The following DCST2 variants were observed in gnomAD, a reference collection of about 807,000 sequenced individuals.
DCST2 encodes the protein DC-STAMP domain containing 2.
Under a neutral mutation model 81.8 loss-of-function variants are expected in DCST2, and 64 were observed. The observed-to-expected ratio is 0.78, with a 90% CI of 0.64 to 0.96. The LOEUF is 0.96. Ranked by LOEUF, DCST2 falls within the 40% of genes least tolerant of loss-of-function variation. DCST2 has a pLI of 0.00. For synonymous variants in DCST2, 354 were observed against 402.6 expected, an observed-to-expected ratio of 0.88 and a Z score of 1.44; for missense variants, 945 against 1,001.4, an observed-to-expected ratio of 0.94 and a Z score of 0.76.
Position 155,033,727 on chromosome 1 carries a change from G to C in DCST2, c.-26C>G, listed in dbSNP as rs2102348186. 3 of 1,601,930 alleles carry C rather than the reference G, an allele frequency of 1.9e-6. No individual in the cohort carries two copies. The South Asian group carries it at 3.3e-5, about 18-fold the overall frequency. ...GGCTGCTGAGACCAAATGTCTGCCTGTCTCCAGGAGATGCCCGCTGACTTC... is the reference window on the plus strand; with the variant it reads ...GGCTGCTGAGACCAAATGTCTGCCTCTCTCCAGGAGATGCCCGCTGACTTC... On this transcript the variant is annotated 5_prime_UTR_variant, in exon 1 of 15. Transcript: ENST00000368424.
Position 155,023,412 on chromosome 1 carries a change from G to C in DCST2, c.1916C>G (p.Ser639Cys). ...GTAGGAGAGGGGAGATGCACACACG[G>C]AGCAGGTATTGTCCAGGAGGCGGAA... Reference protein sequence around the residue: ...TCFRLLDNTCSVCASPLSYQG... With the variant: ...TCFRLLDNTCCVCASPLSYQG... Residue 639 changes from serine (S) to cysteine (C), a missense_variant, in exon 13 of 15, where the codon TCC (serine) becomes TGC (cysteine). Physicochemically the swap from Ser to Cys is moderately radical, Grantham distance 112. Transcript: ENST00000368424. 6.2e-7 allele frequency: 1 copy of C among 1,606,984 alleles called. No homozygotes were observed. The highest frequency in any genetic ancestry group is 8.5e-7 in the Non-Finnish European group (1 of 1,176,576).
intron 10 of DCST2, 115 bp downstream of exon 10, chr1:155,026,184 AGAG>A: frequency 1.1e-6 from 1 of 906,914 alleles, no homozygotes; most frequent in Non-Finnish European, 1.7e-6. Context: ...GAGTTCAACC[AGAG>A]GAGAGCGGGC....
intron 5 of DCST2, 38 bp from the exon 6 acceptor site, chr1:155,030,683 G>A (rs1660050222): frequency 6.2e-7 from 1 of 1,608,512 alleles, no homozygotes; most frequent in Admixed American, 1.7e-5. Flanking sequence ...TGGGCAAGGA[G>A]AGTTAGGAGA....
At chr1:155,020,062 T>C (rs1250158666) in intron 14 of DCST2, among the ~76,000 whole-genome samples, 1 of 152,072 alleles carries the variant, frequency 6.6e-6, no homozygotes, top group Non-Finnish European at 1.5e-5. Flanking sequence ...TCTCCCCCTC[T>C]GCCTCTGCCA....
At position 155,024,572 on chromosome 1, in the gene DCST2, G is replaced by T. The variant is rs767993617; in HGVS notation, c.1642C>A (p.Leu548Met). The T allele has an allele frequency of 1.1e-5, 18 of 1,609,696 alleles. No individual in the cohort carries two copies. The South Asian group carries it at 1.9e-4, about 17-fold the overall frequency. Reference protein sequence around the residue: ...ERISYLYNVLLSRRTNLLAAL... With the variant: ...ERISYLYNVLMSRRTNLLAAL... ...GCCAACAGATTGGTTCGGCGGCTCA[G>T]AAGTACATTGTACAGGTAGGAGATC... Residue 548 changes from leucine (L) to methionine (M), a missense_variant, in exon 11 of 15, where the codon CTG becomes ATG. Coordinates refer to ENST00000368424, the MANE Select transcript of DCST2 (RefSeq NM_144622.3).
At chr1:155,022,333 CT>C (rs1421497356) in intron 14 of DCST2, among the ~76,000 whole-genome samples, 9 of 152,192 alleles carry the variant, frequency 5.9e-5, no homozygotes, top group African/African-American at 2.2e-4. Context: ...GGGCTCTACC[CT>C]TCTGAATGCC....
rs1247646222 is a variant in DCST2, at chr1:155,030,140, C to G, written c.1121G>C (p.Gly374Ala). Residue 374 changes from glycine to alanine, a missense_variant, in exon 7 of 15, where the codon GGG becomes GCG. Coordinates refer to ENST00000368424, the MANE Select transcript of DCST2 (RefSeq NM_144622.3). ...LRMEAVRSTAGLPTVLPLSAH... is the reference protein window; with the variant it reads ...LRMEAVRSTAALPTVLPLSAH... Reference sequence around the variant, plus strand: ...ACTGAGCGGTAGCACTGTGGGCAGCCCTGCCGTGGAGCGCACAGCCTCCAT... The same window carrying G: ...ACTGAGCGGTAGCACTGTGGGCAGCGCTGCCGTGGAGCGCACAGCCTCCAT... 6.2e-7 allele frequency: 1 copy of G among 1,614,144 alleles called. No individual in the cohort carries two copies. Among genetic ancestry groups the G allele is most frequent in the Non-Finnish European group, 8.5e-7 (1 of 1,180,020 alleles).
Position 155,023,860 on chromosome 1 carries a change from A to G in DCST2, c.1842T>C (p.Thr614=). 1 of 1,613,778 alleles carries G rather than the reference A, an allele frequency of 6.2e-7. No individual in the cohort carries two copies. The highest frequency in any genetic ancestry group is 1.3e-5 in the African/African-American group (1 of 75,042). ...GGCAGCCGGGGGTACTGCAGGACAC[A>G]GTGTTCTCCATGTCTCCCTCATCCT... The part of the protein sequence containing the change: ...QPQDEGDMEN[T]VSCSTPGCQG... Residue 614 remains threonine, a synonymous_variant, in exon 12 of 15, where the codon ACT becomes ACC. Coordinates refer to ENST00000368424, the MANE Select transcript of DCST2 (RefSeq NM_144622.3).
At position 155,033,206 on chromosome 1, in the gene DCST2, A is replaced by G; in HGVS notation, c.327T>C (p.Cys109=). The part of the protein sequence containing the change: ...AAFGLVLQGP[C]ANTLRNFTRA... ...GGGTGAAGTTGCGTAGAGTGTTGGC[A>G]CAAGGCCCTTGAAGCACCAACCCAA... The change falls in exon 2 of 15, where the codon TGT becomes TGC. Residue 109 remains cysteine (C), a synonymous_variant. Transcript: ENST00000368424. The G allele has an allele frequency of 6.2e-7, 1 of 1,613,998 alleles. No homozygotes were observed. The highest frequency in any genetic ancestry group is 2.2e-5 in the East Asian group (1 of 44,884).
chr1:155,023,598 G>A (rs1291804041), intron 12 of DCST2, 141 bp from the exon 13 acceptor site: 6 of 1,546,126 alleles, frequency 3.9e-6, no homozygotes, highest in East Asian at 2.4e-5. Flanking sequence ...GGGAGCTGCT[G>A]CAATGCCACT....
intron 10 of DCST2, among the ~76,000 whole-genome samples, chr1:155,025,165 A>G (rs1388094275): frequency 1.4e-5 from 2 of 143,504 alleles, no homozygotes; most frequent in African/African-American, 5.1e-5. Context: ...AAAAAAAAAA[A>G]GAAAAGAAAG....
chr1:155,032,175 A>G (rs1165712015), intron 3 of DCST2, among the ~76,000 whole-genome samples: 2 of 151,702 alleles, frequency 1.3e-5, no homozygotes, highest in African/African-American at 2.4e-5. Context: ...TTGTATTTTT[A>G]GTAGAGACGG....
chr1:155,033,050 C>T (rs745359692), intron 2 of DCST2, 44 bp downstream of exon 2: 70 of 1,486,684 alleles, frequency 4.7e-5, no homozygotes, highest in Non-Finnish European at 5.6e-5. Flanking sequence ...ATGAGGGGGG[C>T]GAGGGGGGCC....
At chr1:155,026,921 T>G (rs1394375682) in intron 8 of DCST2, among the ~76,000 whole-genome samples, 1 of 152,250 alleles carries the variant, frequency 6.6e-6, no homozygotes. Context: ...ATGGTCCAAC[T>G]GGGTGGTACT....
chr1:155,018,742 C>G lies in DCST2; in HGVS notation c.2124G>C (p.Lys708Asn), dbSNP rs1558095995. Residue 708 changes from lysine (K) to asparagine (N), a missense_variant, in exon 15 of 15, where the codon AAG becomes AAC. Lys to Asn is a moderately conservative substitution (Grantham distance 94, BLOSUM62 0). Transcript: ENST00000368424. ...TSESSDLDEE[K>N]GPQQRKHGQQ... ...GCCCGTGCTTCCTCTGCTGAGGCCC[C>G]TTCTCCTCATCCAGGTCACTAGTGA... The G allele has an allele frequency of 1.2e-6, 2 of 1,613,268 alleles. No individual in the cohort carries two copies. Among genetic ancestry groups the G allele is most frequent in the Non-Finnish European group, 8.5e-7 (1 of 1,179,902 alleles).
Position 155,018,618 on chromosome 1 carries a change from T to TGGGGGCTCCTTTA in DCST2, c.2235_2247dup (p.Thr750Ter), listed in dbSNP as rs763376207. On this transcript the variant is annotated stop_gained and frameshift_variant, in exon 15 of 15. Coordinates refer to ENST00000368424, the MANE Select transcript of DCST2 (RefSeq NM_144622.3). LOFTEE classifies it low-confidence loss of function (END_TRUNC). ...GGGACTGAGGGTTCTGAAGCTGGAGTGGGGGCTCCTTTAGTGGCGGAGGAT... is the reference window on the plus strand; with the variant it reads ...GGGACTGAGGGTTCTGAAGCTGGAGTGGGGGCTCCTTTAGGGGGCTCCTTTAGTGGCGGAGGAT... The TGGGGGCTCCTTTA allele has an allele frequency of 1.9e-6, 3 of 1,611,768 alleles. No individual in the cohort carries two copies. The South Asian group carries it at 3.3e-5, about 18-fold the overall frequency.
intron 4 of DCST2, 26 bp downstream of exon 4, chr1:155,031,548 C>T: frequency 6.2e-7 from 1 of 1,612,840 alleles, no homozygotes; most frequent in Non-Finnish European, 8.5e-7. Flanking sequence ...CGGCTCCTCC[C>T]CGCTGGCAGA....
chr1:155,029,972 C>T (rs1380342980), intron 7 of DCST2, 112 bp downstream of exon 7: 4 of 1,499,450 alleles, frequency 2.7e-6, no homozygotes, highest in East Asian at 4.6e-5. Flanking sequence ...CTGGCCCCTG[C>T]CCCAAGCCCA....
intron 4 of DCST2, 59 bp downstream of exon 4, chr1:155,031,515 T>TTGGC: frequency 6.2e-6 from 4 of 643,126 alleles, no homozygotes; most frequent in Non-Finnish European, 1.2e-5. Context: ...ACCCCCACAT[T>TTGGC]CCCACCCCAC....
Sources: allele counts gnomAD v4.1 joint callset (sites outside exome capture counted in the v4.1 genomes callset), GRCh38; gene constraint gnomAD v4.1.1; transcripts MANE v1.5; gene names NCBI Gene and HGNC (gene_info 2026-07-23, HGNC 2026-07-21).